POU2F1: variants seen among roughly 807,000 people sequenced by gnomAD.
POU2F1 encodes POU class 2 homeobox 1.
POU2F1 carries 16 observed loss-of-function variants against 84.9 expected under a neutral mutation model. That is an observed-to-expected ratio of 0.19 (90% CI 0.13 to 0.29). The LOEUF (loss-of-function observed/expected upper bound fraction) is 0.29, where lower values mean the gene tolerates loss of function less well. Ranked by LOEUF, POU2F1 falls within the 10% of genes least tolerant of loss-of-function variation. The pLI is 1.00. For missense variants in POU2F1, 738 were observed against 942.6 expected (o/e 0.78, Z 2.84); for synonymous variants, 368 against 368.3 (o/e 1.00, Z 0.01).
intron 1 of POU2F1, among the ~76,000 whole-genome samples, chr1:167,322,452 T>A (rs1260224506): frequency 6.6e-6 from 1 of 152,234 alleles, no homozygotes; most frequent in Non-Finnish European, 1.5e-5. Context: ...GTTGACAGAT[T>A]CCTGTTGGCA....
At chr1:167,413,240 G>A in intron 15 of POU2F1, 126 bp downstream of exon 15, 1 of 829,472 alleles carries the variant, frequency 1.2e-6, no homozygotes, top group Admixed American at 2.5e-5. Context: ...AAAGTGATGG[G>A]AAAGAGTCAA....
intron 1 of POU2F1, among the ~76,000 whole-genome samples, chr1:167,286,847 A>G (rs1653562481): frequency 6.6e-6 from 1 of 152,218 alleles, no homozygotes. Context: ...ATTCTGTGAA[A>G]TGTCTACAAA....
rs947081794 is a variant in POU2F1 at position 167,399,115 on chromosome 1, G to T, written c.1270-71G>T. 10 of 1,432,446 alleles carry T rather than the reference G, an allele frequency of 7.0e-6. 1 individual carries two copies. In the Admixed American group the frequency reaches 2.1e-4, roughly 29 times the overall value. 88.7% of individuals were successfully genotyped at this position (1,432,446 alleles called of 1,614,324 possible). ...TCCCAGCTTCATTTTCTAACCTGAC[G>T]TGATTATGCCAGTAGTTCAAAAAGT... On this transcript the variant is annotated intron_variant, in intron 11 of 15. Coordinates refer to ENST00000367866, the MANE Select transcript of POU2F1 (RefSeq NM_002697.4).
intron 1 of POU2F1, among the ~76,000 whole-genome samples, chr1:167,239,823 A>G (rs764271311): frequency 6.6e-6 from 1 of 152,306 alleles, no homozygotes; most frequent in Non-Finnish European, 1.5e-5. Context: ...TCAGGGTTAT[A>G]CTTTACACCG....
Position 167,413,032 on chromosome 1 carries a change from C to G in POU2F1, c.1908C>G (p.Ala636=), listed in dbSNP as rs1408494663. The change falls in exon 15 of 16, where the codon GCC becomes GCG. Residue 636 remains alanine (A), a synonymous_variant. Coordinates refer to ENST00000367866, the MANE Select transcript of POU2F1 (RefSeq NM_002697.4). ...TCCTCTTTTGGACTTGCAGAGGTGC[C>G]TTACTCAGTCTGAATCCAGGGACCC... ...MAPSQFAAGG[A]LLSLNPGTLS... The G allele has an allele frequency of 6.8e-6, 11 of 1,613,784 alleles. No individual in the cohort carries two copies. In the South Asian group the frequency reaches 1.2e-4, roughly 18 times the overall value.
chr1:167,287,908 T>C (rs879663212), intron 1 of POU2F1, among the ~76,000 whole-genome samples: 2 of 152,096 alleles, frequency 1.3e-5, no homozygotes, highest in Non-Finnish European at 2.9e-5. Flanking sequence ...AAAAAATAGA[T>C]GATTGATCAT....
intron 6 of POU2F1, among the ~76,000 whole-genome samples, chr1:167,374,524 CTTTATA>C (rs1660202883): frequency 6.6e-6 from 1 of 152,146 alleles, no homozygotes; most frequent in African/African-American, 2.4e-5. Context: ...GAATAACTGA[CTTTATA>C]TTAAGTGACA....
Position 167,389,779 on chromosome 1 carries a change from T to G in POU2F1, c.987+18T>G. 6.2e-7 allele frequency: 1 copy of G among 1,608,216 alleles called. No homozygotes were observed. The highest frequency in any genetic ancestry group is 8.5e-7 in the Non-Finnish European group (1 of 1,176,788). The stretch of plus-strand genomic sequence containing the variant: ...TCACTCAGGTAGGGTGAATTGGCCT[T>G]ACATTGATTCCCCTCCTTGGCTGGG... On this transcript the variant is annotated intron_variant, in intron 9 of 15. Coordinates refer to ENST00000367866, the MANE Select transcript of POU2F1 (RefSeq NM_002697.4).
chr1:167,314,554 A>T (rs1366677317), intron 1 of POU2F1, among the ~76,000 whole-genome samples: 1 of 152,118 alleles, frequency 6.6e-6, no homozygotes, highest in East Asian at 1.9e-4. Flanking sequence ...AGGTGGGAGG[A>T]TGGCTTGAGC....
chr1:167,346,535 G>T (rs955361535), intron 2 of POU2F1, among the ~76,000 whole-genome samples: 2 of 152,022 alleles, frequency 1.3e-5, no homozygotes, highest in African/African-American at 4.8e-5. Flanking sequence ...ATGGTTTGGG[G>T]GATAAAACTG....
chr1:167,275,114 C>T (rs886453256), intron 1 of POU2F1, among the ~76,000 whole-genome samples: 2 of 150,532 alleles, frequency 1.3e-5, no homozygotes, highest in African/African-American at 4.9e-5. Context: ...CTTTGAGCTC[C>T]CAGGCTCAAG....
intron 2 of POU2F1, among the ~76,000 whole-genome samples, chr1:167,333,047 C>G (rs146673818): frequency 1.3e-5 from 2 of 152,110 alleles, no homozygotes; most frequent in Non-Finnish European, 2.9e-5. Context: ...CCTACCTTTG[C>G]TATAAATTAT....
chr1:167,376,428 C>T, intron 7 of POU2F1: 1 of 302,578 alleles, frequency 3.3e-6, no homozygotes, highest in Non-Finnish European at 6.0e-6. Flanking sequence ...AATTATTCAA[C>T]ATGCCAAACA....
At chr1:167,397,343 CTT>C (rs1248294058) in intron 10 of POU2F1, among the ~76,000 whole-genome samples, 2 of 152,120 alleles carry the variant, frequency 1.3e-5, no homozygotes, top group Non-Finnish European at 2.9e-5. Context: ...TTCTAAGAAA[CTT>C]TCTTCCTTTT....
chr1:167,348,161 T>C (rs1035679662), intron 2 of POU2F1, among the ~76,000 whole-genome samples: 2 of 152,220 alleles, frequency 1.3e-5, no homozygotes, highest in Non-Finnish European at 2.9e-5. Flanking sequence ...CTAAACTATA[T>C]GATATAGCCT....
intron 1 of POU2F1, among the ~76,000 whole-genome samples, chr1:167,289,235 T>G (rs1320934973): frequency 6.6e-6 from 1 of 152,206 alleles, no homozygotes; most frequent in Non-Finnish European, 1.5e-5. Context: ...ACGTAATATT[T>G]ATTGACTTTC....
intron 1 of POU2F1, among the ~76,000 whole-genome samples, chr1:167,278,234 C>T (rs1480495022): frequency 6.6e-6 from 1 of 152,186 alleles, no homozygotes; most frequent in Non-Finnish European, 1.5e-5. Context: ...TTTCATTCTT[C>T]ACGTCTCAAC....
intron 1 of POU2F1, among the ~76,000 whole-genome samples, chr1:167,261,770 C>T (rs990815980): frequency 2.6e-5 from 4 of 152,154 alleles, no homozygotes; most frequent in South Asian, 2.1e-4. Flanking sequence ...CTGTAACCTT[C>T]GCTTCCCAGG....
At chr1:167,410,301 T>A (rs1649863245) in intron 13 of POU2F1, among the ~76,000 whole-genome samples, 1 of 152,156 alleles carries the variant, frequency 6.6e-6, no homozygotes. Flanking sequence ...CTGAAATAAA[T>A]GATGTCTGAG....
Sources: allele counts gnomAD v4.1 joint callset (sites outside exome capture counted in the v4.1 genomes callset), GRCh38; gene constraint gnomAD v4.1.1; transcripts MANE v1.5; gene names NCBI Gene and HGNC (gene_info 2026-07-23, HGNC 2026-07-21).